Variants in INPP5E observed in about 807,000 individuals in gnomAD.
The protein encoded by INPP5E is phosphatidylinositol polyphosphate 5-phosphatase type IV.
A neutral mutation model predicts 50.5 loss-of-function variants in INPP5E; 34 were observed. The ratio of observed to expected loss-of-function variants is 0.67; its 90% CI spans 0.51 to 0.90. The LOEUF is 0.90. Ranked by LOEUF, INPP5E falls within the 40% of genes least tolerant of loss-of-function variation. The probability of loss-of-function intolerance (pLI) is 0.00; values close to 1 mark genes in which losing one functional copy is unlikely to be tolerated. For missense variants in INPP5E, 942 were observed against 905.5 expected (o/e 1.04, Z -0.52); for synonymous variants, 447 against 406.0 (o/e 1.10, Z -1.21).
Position 136,435,670 on chromosome 9 carries a change from C to A in INPP5E, c.813-807G>T, listed in dbSNP as rs191222215. 2.4e-4 allele frequency: 36 copies of A among 152,360 alleles called. 1 individual carries two copies. The highest frequency in any genetic ancestry group is 1.6e-3 in the Admixed American group (25 of 15,288). 9.4% of individuals were successfully genotyped at this position (152,360 alleles called of 1,614,324 possible). A position where few individuals can be genotyped will look rare whatever the true frequency, so the allele number is the denominator to read the frequency against. Reference sequence around the variant, plus strand: ...TCCCCACACTCAGCACCTTCTGCCACGAGGGCTGGTAACCCGTCAAGAGGC... The same window carrying A: ...TCCCCACACTCAGCACCTTCTGCCAAGAGGGCTGGTAACCCGTCAAGAGGC... On this transcript the variant is annotated intron_variant, in intron 1 of 9. Coordinates refer to ENST00000371712, the MANE Select transcript of INPP5E (RefSeq NM_019892.6).
At chr9:136,435,984 CCTCT>C (rs1014766969) in intron 1 of INPP5E, 3 of 152,258 alleles carry the variant, frequency 2.0e-5, no homozygotes, top group East Asian at 1.9e-4. Context: ...CTCCCCGCTC[CCTCT>C]CTAAGTAACA....
At chr9:136,430,144 CG>C in intron 9 of INPP5E, 132 bp downstream of exon 9, 1 of 1,212,822 alleles carries the variant, frequency 8.2e-7, no homozygotes, top group East Asian at 2.5e-5. Context: ...CAACCGATCC[CG>C]GGGAACACAG....
intron 2 of INPP5E, 32 bp downstream of exon 2, chr9:136,434,708 T>G (rs1422907062): frequency 2.7e-4 from 226 of 824,382 alleles, no homozygotes; most frequent in East Asian, 4.1e-4. Flanking sequence ...CACCCCACCC[T>G]TCCCCGCCCA....
chr9:136,439,332 C>T lies in INPP5E; in HGVS notation c.88G>A (p.Ala30Thr). The change falls in exon 1 of 10, where the codon GCT (alanine) becomes ACT (threonine). Residue 30 changes from alanine (A) to threonine (T), a missense_variant. Physicochemically the swap from Ala to Thr is moderately conservative, Grantham distance 58. Coordinates refer to ENST00000371712, the MANE Select transcript of INPP5E (RefSeq NM_019892.6). ...GACCCCGCGCGCTGGGCCGGCGGAG[C>T]GCCGGGAAGCTGTCCTTGGAGCGTC... ...GRTLQGQLPG[A>T]PPAQRAGSPP... The T allele has an allele frequency of 1.4e-6, 2 of 1,410,078 alleles. No homozygotes were observed. Among genetic ancestry groups the T allele is most frequent in the East Asian group, 2.9e-5 (1 of 34,278 alleles). The allele number at this position is 1,410,078 out of a possible 1,614,324, so 87.3% of individuals were successfully genotyped here.
chr9:136,430,237 C>T lies in INPP5E; in HGVS notation c.1802+40G>A, dbSNP rs370460379. Reference sequence around the variant, plus strand: ...TTAGCTCATGGGACGACGGCACGACCCCCAGGCCCAAGGGGGAAGGTGAGC... The same window carrying T: ...TTAGCTCATGGGACGACGGCACGACTCCCAGGCCCAAGGGGGAAGGTGAGC... On this transcript the variant is annotated intron_variant, in intron 9 of 9. Transcript: ENST00000371712. 8.4e-5 allele frequency: 131 copies of T among 1,550,338 alleles called. No homozygotes were observed. The African/African-American group carries it at 9.2e-4, about 11-fold the overall frequency.
rs68002978 is a variant in INPP5E, at chr9:136,431,189, C to T, written c.1550-72G>A. On this transcript the variant is annotated intron_variant, in intron 7 of 9. Transcript: ENST00000371712. Reference sequence around the variant, plus strand: ...GCCGCCGCACCCCAGGCCCTCACCTCTCCTCATCTCCCACCACGCCCACCC... The same window carrying T: ...GCCGCCGCACCCCAGGCCCTCACCTTTCCTCATCTCCCACCACGCCCACCC... The T allele has an allele frequency of 0.37, 286,263 of 781,088 alleles. 60,111 individuals are homozygous for T. The highest frequency in any genetic ancestry group is 0.48 in the Admixed American group (19,705 of 41,120). The allele number at this position is 781,088 out of a possible 1,614,324, so 48.4% of individuals were successfully genotyped here.
rs562607555 is a variant in INPP5E, at chr9:136,434,160, C to A, written c.937-26G>T. On this transcript the variant is annotated intron_variant, in intron 2 of 9. Coordinates refer to ENST00000371712, the MANE Select transcript of INPP5E (RefSeq NM_019892.6). The stretch of plus-strand genomic sequence containing the variant: ...CTGGAAGGAGGGAGCATGTGGTGGG[C>A]CGGCTCCTCCCGAAACCTGCAGGCG... 7.0e-5 allele frequency: 108 copies of A among 1,536,870 alleles called. 1 individual carries two copies. Among genetic ancestry groups the A allele is most frequent in the Non-Finnish European group, 8.9e-7 (1 of 1,126,816 alleles).
intron 5 of INPP5E, 117 bp from the exon 6 acceptor site, chr9:136,432,703 G>A (rs956637880): frequency 1.9e-5 from 17 of 895,010 alleles, no homozygotes; most frequent in Middle Eastern, 2.2e-4. Context: ...CAACCCCACC[G>A]GGCATCCGCT....
chr9:136,432,848 G>T, intron 5 of INPP5E, 108 bp downstream of exon 5: 1 of 1,420,316 alleles, frequency 7.0e-7, no homozygotes, highest in South Asian at 1.2e-5. Context: ...CACGGCCCTG[G>T]GTGGAAGATG....
Position 136,434,787 on chromosome 9 carries a change from G to T in INPP5E, c.889C>A (p.Arg297=). Residue 297 remains arginine (R), a synonymous_variant, in exon 2 of 10, where the codon CGG becomes AGG. Transcript: ENST00000371712. ...ADELARYFPD[R]NVALFVATWN... is the part of the protein sequence containing the mutation. ...GTGGCCACGAAGAGTGCCACGTTCC[G>T]GTCTGGGAAGTAGCGGGCCAGCTCA... 6.2e-7 allele frequency: 1 copy of T among 1,608,860 alleles called. No homozygotes were observed. The highest frequency in any genetic ancestry group is 8.5e-7 in the Non-Finnish European group (1 of 1,177,820).
chr9:136,430,052 C>T (rs1490697869), intron 9 of INPP5E, among the ~76,000 whole-genome samples: 5 of 144,328 alleles, frequency 3.5e-5, no homozygotes, highest in Non-Finnish European at 8.0e-5. Flanking sequence ...CTCCAGCTGG[C>T]CACACCCAGC....
At position 136,439,300 on chromosome 9, in the gene INPP5E, G is replaced by T; in HGVS notation, c.120C>A (p.Pro40=). 1 of 1,410,570 alleles carries T rather than the reference G, an allele frequency of 7.1e-7. No individual in the cohort carries two copies. Among genetic ancestry groups the T allele is most frequent in the East Asian group, 2.9e-5 (1 of 34,864 alleles). 87.4% of individuals were successfully genotyped at this position (1,410,570 alleles called of 1,614,324 possible). The change falls in exon 1 of 10, where the codon CCC becomes CCA. Residue 40 remains proline, a synonymous_variant. Transcript: ENST00000371712. ...CGGGGCTCTCGGAGCCCGGAGCATC[G>T]GGTGGGGACCCCGCGCGCTGGGCCG... The part of the protein sequence containing the change: ...APPAQRAGSP[P]DAPGSESPAL...
intron 4 of INPP5E, 21 bp downstream of exon 4, chr9:136,433,134 C>T: frequency 6.2e-7 from 1 of 1,610,206 alleles, no homozygotes; most frequent in South Asian, 1.1e-5. Flanking sequence ...CAGCCGCGCC[C>T]ACCCCTCCAG....
intron 1 of INPP5E, chr9:136,436,999 A>G (rs1414573439): frequency 3.3e-5 from 5 of 152,230 alleles, no homozygotes; most frequent in Non-Finnish European, 1.5e-5. Flanking sequence ...CGTCAACCGG[A>G]TCTAATTTTA....
intron 1 of INPP5E, chr9:136,436,966 C>T (rs1835845454): frequency 6.6e-6 from 1 of 152,230 alleles, no homozygotes; most frequent in Non-Finnish European, 1.5e-5. Flanking sequence ...CACGACTGTC[C>T]TTTTCTCTAA....
At chr9:136,432,718 G>C in intron 5 of INPP5E, 132 bp from the exon 6 acceptor site, 1 of 895,624 alleles carries the variant, frequency 1.1e-6, no homozygotes, top group Non-Finnish European at 1.8e-6. Flanking sequence ...TCCGCTGCCG[G>C]GCCCAGCCAG....
chr9:136,430,368 C>G lies in INPP5E; in HGVS notation c.1711G>C (p.Val571Leu). ...RSRHKGDICP[V>L]SYSSCPGIKT... Reference sequence around the variant, plus strand: ...ATCCCGGGGCAGGAAGAGTAGCTCACAGGACAGATGTCACCCTTGTGGCGG... The same window carrying G: ...ATCCCGGGGCAGGAAGAGTAGCTCAGAGGACAGATGTCACCCTTGTGGCGG... The change falls in exon 9 of 10, where the codon GTG (valine) becomes CTG (leucine). Residue 571 changes from valine (V) to leucine (L), a missense_variant. Val to Leu is a conservative substitution (Grantham distance 32). Transcript: ENST00000371712. 6.4e-7 allele frequency: 1 copy of G among 1,556,514 alleles called. No individual in the cohort carries two copies. Among genetic ancestry groups the G allele is most frequent in the Non-Finnish European group, 8.7e-7 (1 of 1,149,104 alleles).
rs764577370 is a variant in INPP5E at position 136,433,193 on chromosome 9, G to A, written c.1121C>T (p.Ser374Leu). The change falls in exon 4 of 10, where the codon TCG becomes TTG. Residue 374 changes from serine (S) to leucine (L), a missense_variant. By Grantham distance (145) the Ser-to-Leu change is moderately radical. Coordinates refer to ENST00000371712, the MANE Select transcript of INPP5E (RefSeq NM_019892.6). ...GATGAGGTCCCTGCGGATGAAGAGC[G>A]ACATGTAGAGCACGCCGTGGGCCGC... ...SSAAHGVLYM[S>L]LFIRRDLIWF... is the part of the protein sequence containing the mutation. The A allele has an allele frequency of 7.5e-6, 12 of 1,598,108 alleles. No homozygotes were observed. The highest frequency in any genetic ancestry group is 1.1e-5 in the South Asian group (1 of 90,930).
At position 136,433,265 on chromosome 9, in the gene INPP5E, G is replaced by A. The variant is rs1164521289; in HGVS notation, c.1049C>T (p.Thr350Ile). ...EGCSDRREWE[T>I]RLQETLGPHY... Reference sequence around the variant, plus strand: ...CGGGCCCAGCGTCTCCTGCAGACGAGTCTCCCACTCCCGCCTGCAGAGGAG... The same window carrying A: ...CGGGCCCAGCGTCTCCTGCAGACGAATCTCCCACTCCCGCCTGCAGAGGAG... Residue 350 changes from threonine (T) to isoleucine (I), a missense_variant, in exon 4 of 10, where the codon ACT becomes ATT. Transcript: ENST00000371712. 1 of 1,584,620 alleles carries A rather than the reference G, an allele frequency of 6.3e-7. No individual in the cohort carries two copies. The highest frequency in any genetic ancestry group is 8.5e-7 in the Non-Finnish European group (1 of 1,172,838).
Sources: allele counts gnomAD v4.1 joint callset (sites outside exome capture counted in the v4.1 genomes callset), GRCh38; gene constraint gnomAD v4.1.1; transcripts MANE v1.5; gene names NCBI Gene and HGNC (gene_info 2026-07-23, HGNC 2026-07-21).